The following CPS1 variants were observed in gnomAD, a reference collection of about 807,000 sequenced individuals.
CPS1 encodes carbamoyl-phosphate synthase 1.
CPS1 carries 109 observed loss-of-function variants against 174.6 expected under a neutral mutation model. The ratio of observed to expected loss-of-function variants is 0.62; its 90% CI spans 0.53 to 0.73. The LOEUF (loss-of-function observed/expected upper bound fraction) is 0.73. Among genes scored for constraint, CPS1 ranks in the 30% least tolerant of loss-of-function variants. CPS1 has a pLI of 0.00. For synonymous variants in CPS1, 637 were observed against 632.0 expected, an observed-to-expected ratio of 1.01 and a Z score of -0.12; for missense variants, 1,689 against 1,821.9, an observed-to-expected ratio of 0.93 and a Z score of 1.33.
intron 1 of CPS1, among the ~76,000 whole-genome samples, chr2:210,507,527 A>G (rs1396686295): frequency 6.6e-6 from 1 of 151,962 alleles, no homozygotes; most frequent in Non-Finnish European, 1.5e-5. Context: ...ACACATAACA[A>G]TATTAACCTT....
chr2:210,666,510 G>A (rs1191338531), intron 33 of CPS1, among the ~76,000 whole-genome samples: 1 of 152,140 alleles, frequency 6.6e-6, no homozygotes, highest in African/African-American at 2.4e-5. Flanking sequence ...TGTATAAGGT[G>A]TAAGGAAGGG....
At chr2:210,583,807 T>C (rs1698008594) in intron 6 of CPS1, among the ~76,000 whole-genome samples, 1 of 152,112 alleles carries the variant, frequency 6.6e-6, no homozygotes, top group South Asian at 2.1e-4. Flanking sequence ...TCATTTGGTG[T>C]CATTTTGGAG....
At chr2:210,649,374 C>CT (rs1382659877) in intron 27 of CPS1, among the ~76,000 whole-genome samples, 2 of 152,026 alleles carry the variant, frequency 1.3e-5, no homozygotes, top group African/African-American at 4.8e-5. Context: ...CTTCTTTTTC[C>CT]TTTTTTGCAA....
At chr2:210,580,042 A>C (rs1348314454) in intron 5 of CPS1, among the ~76,000 whole-genome samples, 1 of 152,210 alleles carries the variant, frequency 6.6e-6, no homozygotes. Flanking sequence ...TCATTATACC[A>C]ACAAGTCAAG....
chr2:210,629,631 T>C (rs1184109935), intron 21 of CPS1, among the ~76,000 whole-genome samples: 1 of 151,830 alleles, frequency 6.6e-6, no homozygotes, highest in Admixed American at 6.5e-5. Flanking sequence ...CTTTCTTATA[T>C]ACGAATTGAC....
chr2:210,677,157 A>G (rs780046424), intron 37 of CPS1, 21 bp downstream of exon 37: 2 of 1,612,200 alleles, frequency 1.2e-6, no homozygotes, highest in Admixed American at 1.7e-5. Context: ...TTCCTTGGAT[A>G]TAGACTGGAT....
At chr2:210,672,780 A>G (rs1701355645) in intron 34 of CPS1, 1 of 152,206 alleles carries the variant, frequency 6.6e-6, no homozygotes, top group Admixed American at 6.5e-5. Flanking sequence ...GCAGTCATGA[A>G]TAACCACTGA....
chr2:210,535,321 C>T (rs1696217002), intron 1 of CPS1, among the ~76,000 whole-genome samples: 1 of 152,176 alleles, frequency 6.6e-6, no homozygotes, highest in Admixed American at 6.5e-5. Context: ...GCACCTACCC[C>T]TGTCAGAATG....
At chr2:210,664,123 T>C (rs1377304861) in intron 33 of CPS1, among the ~76,000 whole-genome samples, 1 of 152,140 alleles carries the variant, frequency 6.6e-6, no homozygotes, top group Admixed American at 6.5e-5. Context: ...AGGGGACTCT[T>C]TGCCTCTTTG....
chr2:210,630,440 T>C (rs916889518), intron 21 of CPS1, among the ~76,000 whole-genome samples: 7 of 152,236 alleles, frequency 4.6e-5, no homozygotes, highest in Non-Finnish European at 1.0e-4. Flanking sequence ...AATATAGTTT[T>C]AAGTATGCCA....
At chr2:210,568,112 A>G (rs1160329848) in intron 1 of CPS1, among the ~76,000 whole-genome samples, 2 of 152,146 alleles carry the variant, frequency 1.3e-5, no homozygotes, top group African/African-American at 4.8e-5. Flanking sequence ...GTAGATAAAT[A>G]CCTTTAGCAA....
chr2:210,672,923 G>A lies in CPS1; in HGVS notation c.4102-1979G>A, dbSNP rs866173734. The A allele has an allele frequency of 6.6e-5, 10 of 152,102 alleles. 1 individual carries two copies. The highest frequency in any genetic ancestry group is 2.4e-4 in the African/African-American group (10 of 41,434). 9.4% of individuals were successfully genotyped at this position (152,102 alleles called of 1,614,324 possible). A position where few individuals can be genotyped will look rare whatever the true frequency, so the allele number is the denominator to read the frequency against. On this transcript the variant is annotated intron_variant, in intron 34 of 37. Transcript: ENST00000233072. ...AATTTTATATTTGAACATAGTCTTT[G>A]GGGTCTTTTCTTAGGATTTAGATCT...
At position 210,616,495 on chromosome 2, in the gene CPS1, A is replaced by G; in HGVS notation, c.2641A>G (p.Met881Val). 1.9e-6 allele frequency: 3 copies of G among 1,612,114 alleles called. No individual in the cohort carries two copies. Among genetic ancestry groups the G allele is most frequent in the Non-Finnish European group, 2.5e-6 (3 of 1,178,558 alleles). Residue 881 changes from methionine (M) to valine (V), a missense_variant, in exon 21 of 38, where the codon ATG becomes GTG. Met to Val is a conservative substitution (Grantham distance 21). Transcript: ENST00000233072. ...CATTGACAAGTGGTTTTTGTATAAGATGCGTGATATTTTAAACATGGAAAA... is the reference window on the plus strand; with the variant it reads ...CATTGACAAGTGGTTTTTGTATAAGGTGCGTGATATTTTAAACATGGAAAA... ...TYIDKWFLYKMRDILNMEKTL... is the reference protein window; with the variant it reads ...TYIDKWFLYKVRDILNMEKTL...
At chr2:210,583,035 A>C (rs1308288430) in intron 6 of CPS1, among the ~76,000 whole-genome samples, 2 of 152,138 alleles carry the variant, frequency 1.3e-5, no homozygotes, top group East Asian at 3.9e-4. Context: ...AGATAGGTCC[A>C]GTGATGATGA....
At chr2:210,489,818 GA>G (rs1694822203) in intron 1 of CPS1, among the ~76,000 whole-genome samples, 1 of 151,990 alleles carries the variant, frequency 6.6e-6, no homozygotes, top group Non-Finnish European at 1.5e-5. Flanking sequence ...CTAACATGGT[GA>G]AACCCCGTCT....
chr2:210,645,091 A>AT (rs1465382501), intron 25 of CPS1, among the ~76,000 whole-genome samples: 2 of 152,294 alleles, frequency 1.3e-5, no homozygotes, highest in Non-Finnish European at 1.5e-5. Flanking sequence ...GTCCCGTGAT[A>AT]TTTGGTGTTG....
chr2:210,649,734 C>G (rs956422436), intron 27 of CPS1, among the ~76,000 whole-genome samples: 1 of 152,182 alleles, frequency 6.6e-6, no homozygotes, highest in African/African-American at 2.4e-5. Context: ...TACTCCTCCT[C>G]TCCTACCCTC....
chr2:210,545,914 G>A (rs1187737522), intron 1 of CPS1, among the ~76,000 whole-genome samples: 1 of 152,066 alleles, frequency 6.6e-6, no homozygotes, highest in East Asian at 1.9e-4. Context: ...TTTATTTTGT[G>A]AAGTGCATTA....
At chr2:210,571,891 GTGTGTGTGTGTGTGTGTGTA>G (rs1697508370) in intron 1 of CPS1, among the ~76,000 whole-genome samples, 2 of 90,336 alleles carry the variant, frequency 2.2e-5, no homozygotes, top group African/African-American at 7.3e-5. Flanking sequence ...GTGTGTGTGT[GTGTGTGTGTGTGTGTGTGTA>G]TGTGTAATGG....
Sources: allele counts gnomAD v4.1 joint callset (sites outside exome capture counted in the v4.1 genomes callset), GRCh38; gene constraint gnomAD v4.1.1; transcripts MANE v1.5; gene names NCBI Gene and HGNC (gene_info 2026-07-23, HGNC 2026-07-21).